The following SGK2 variants were observed in gnomAD, a reference collection of about 807,000 sequenced individuals.
The protein encoded by SGK2 is serine/threonine-protein kinase Sgk2.
SGK2 carries 36 observed loss-of-function variants against 47.5 expected under a neutral mutation model. That is an observed-to-expected ratio of 0.76 (90% CI 0.58 to 1.00). The LOEUF is 1.00. Ranked by LOEUF, SGK2 falls within the 50% of genes least tolerant of loss-of-function variation. The pLI is 0.00. For synonymous variants in SGK2, 157 were observed against 181.9 expected (o/e 0.86, Z 1.10); for missense variants, 404 against 467.4 (o/e 0.86, Z 1.25).
At position 43,569,475 on chromosome 20, in the gene SGK2, G is replaced by A. The variant is rs746625692; in HGVS notation, c.319G>A (p.Glu107Lys). Residue 107 changes from glutamate to lysine, a missense_variant, in exon 6 of 13, where the codon GAG (glutamate) becomes AAG (lysine). Coordinates refer to ENST00000373100, the MANE Select transcript of SGK2 (RefSeq NM_170693.3). ...CCTGCGCTACTCCTTCCAGACACCT[G>A]AGAAGCTCTACTTCGTGCTCGACTA... ...VGLRYSFQTP[E>K]KLYFVLDYVN... 6.8e-6 allele frequency: 11 copies of A among 1,613,654 alleles called. No individual in the cohort carries two copies. The highest frequency in any genetic ancestry group is 3.3e-4 in the Middle Eastern group (2 of 6,084).
At chr20:43,578,851 T>A (rs1980620827) in intron 11 of SGK2, among the ~76,000 whole-genome samples, 1 of 152,100 alleles carries the variant, frequency 6.6e-6, no homozygotes, top group South Asian at 2.1e-4. Flanking sequence ...AAAATTTGTA[T>A]CTTAAAAAAA....
chr20:43,566,038 T>C (rs922036510), intron 1 of SGK2: 8 of 337,238 alleles, frequency 2.4e-5, no homozygotes, highest in Non-Finnish European at 4.3e-5. Flanking sequence ...TTCACAAGGC[T>C]ATGTGGCCCT....
chr20:43,578,893 C>G (rs1980623398), intron 11 of SGK2, among the ~76,000 whole-genome samples: 1 of 152,072 alleles, frequency 6.6e-6, no homozygotes, highest in South Asian at 2.1e-4. Context: ...GTTATACATT[C>G]ACATAGATCA....
intron 3 of SGK2, 89 bp downstream of exon 3, chr20:43,567,206 G>A: frequency 8.9e-7 from 1 of 1,124,684 alleles, no homozygotes; most frequent in South Asian, 1.3e-5. Context: ...AGATTCTCTG[G>A]TCTAGCATTC....
intron 6 of SGK2, among the ~76,000 whole-genome samples, chr20:43,570,147 A>G (rs1011842818): frequency 6.6e-6 from 1 of 152,166 alleles, no homozygotes; most frequent in Non-Finnish European, 1.5e-5. Context: ...GGTGGATCTA[A>G]CCTGAGCTCA....
chr20:43,575,082 G>A (rs1980383894), intron 10 of SGK2, 78 bp downstream of exon 10: 1 of 932,802 alleles, frequency 1.1e-6, no homozygotes, highest in Non-Finnish European at 1.7e-6. Context: ...CACAAGCTCT[G>A]TCCAGGAAAA....
At chr20:43,578,260 G>A (rs930808523) in intron 11 of SGK2, among the ~76,000 whole-genome samples, 10 of 152,152 alleles carry the variant, frequency 6.6e-5, no homozygotes, top group Non-Finnish European at 8.8e-5. Flanking sequence ...CAAGGCGGGC[G>A]GATCACCTGA....
intron 12 of SGK2, among the ~76,000 whole-genome samples, chr20:43,580,857 T>C (rs1259061486): frequency 6.6e-6 from 1 of 151,332 alleles, no homozygotes; most frequent in Non-Finnish European, 1.5e-5. Flanking sequence ...CTTTTCTATG[T>C]GTTTTTTTTT....
In SGK2 at chr20:43,576,331, C is replaced by T. The variant is rs1233803756; in HGVS notation, c.801C>T (p.Ser267=). 1 of 1,614,242 alleles carries T rather than the reference C, an allele frequency of 6.2e-7. No individual in the cohort carries two copies. The highest frequency in any genetic ancestry group is 8.5e-7 in the Non-Finnish European group (1 of 1,180,034). The change falls in exon 11 of 13, where the codon AGC becomes AGT. Residue 267 remains serine (S), a synonymous_variant. Coordinates refer to ENST00000373100, the MANE Select transcript of SGK2 (RefSeq NM_170693.3). ...TGGCCGCCTGTGACCTCCTGCAAAG[C>T]CTTCTCCACAAGGACCAGAGGCAGC... is the stretch of plus-strand genomic sequence containing the variant. The part of the protein sequence containing the change: ...RTVAACDLLQ[S]LLHKDQRQRL...
In SGK2 at chr20:43,568,018, A is replaced by T. The variant is rs1053104695; in HGVS notation, c.228+19A>T. 2 of 1,606,226 alleles carry T rather than the reference A, an allele frequency of 1.2e-6. No individual in the cohort carries two copies. The highest frequency in any genetic ancestry group is 8.5e-7 in the Non-Finnish European group (1 of 1,172,996). ...GAAAGAGGTACCAGAGCTCGGGCAC[A>T]GGCATTTCTTCTTCTGCTTCTCAAG... On this transcript the variant is annotated intron_variant, in intron 5 of 12. Transcript: ENST00000373100.
chr20:43,565,019 A>T (rs1015234643), intron 1 of SGK2: 3 of 152,306 alleles, frequency 2.0e-5, no homozygotes, highest in African/African-American at 4.8e-5. Flanking sequence ...GCTATTGCCC[A>T]CCCCTCCCAC....
chr20:43,583,436 A>G, intron 12 of SGK2: 1 of 1,190,554 alleles, frequency 8.4e-7, no homozygotes, highest in Non-Finnish European at 1.1e-6. Flanking sequence ...CAGGATGCAC[A>G]TTCTGATCTT....
intron 3 of SGK2, 37 bp downstream of exon 3, chr20:43,567,154 C>G: frequency 6.4e-7 from 1 of 1,557,436 alleles, no homozygotes; most frequent in Non-Finnish European, 8.9e-7. Context: ...TCCTACTTGA[C>G]TCCCCTCATA....
At chr20:43,579,040 C>A (rs1408025577) in intron 11 of SGK2, among the ~76,000 whole-genome samples, 1 of 144,220 alleles carries the variant, frequency 6.9e-6, no homozygotes, top group Non-Finnish European at 1.5e-5. Context: ...TTTTTTGAGA[C>A]AGAGTCTTGC....
intron 3 of SGK2, 145 bp downstream of exon 3, chr20:43,567,262 T>TGGG: frequency 1.4e-6 from 1 of 694,650 alleles, no homozygotes; most frequent in Non-Finnish European, 2.6e-6. Flanking sequence ...CAGCTCTATC[T>TGGG]CCCACAAATT....
chr20:43,562,124 G>A (rs973686429), intron 1 of SGK2, among the ~76,000 whole-genome samples: 3 of 151,884 alleles, frequency 2.0e-5, no homozygotes, highest in Non-Finnish European at 2.9e-5. Context: ...TGTTAACTTC[G>A]AGATACCAGC....
chr20:43,582,747 C>T (rs1369024234), intron 12 of SGK2, among the ~76,000 whole-genome samples: 1 of 151,758 alleles, frequency 6.6e-6, no homozygotes, highest in Non-Finnish European at 1.5e-5. Flanking sequence ...AGTGCAGTGG[C>T]ACGATCTCAG....
At chr20:43,574,155 C>G (rs1980325976) in intron 9 of SGK2, among the ~76,000 whole-genome samples, 1 of 152,200 alleles carries the variant, frequency 6.6e-6, no homozygotes, top group Non-Finnish European at 1.5e-5. Flanking sequence ...TCTGCCCTTC[C>G]CTAGACCCCA....
At chr20:43,576,766 C>A (rs1980486153) in intron 11 of SGK2, among the ~76,000 whole-genome samples, 1 of 152,212 alleles carries the variant, frequency 6.6e-6, no homozygotes, top group Non-Finnish European at 1.5e-5. Flanking sequence ...ATGGTGTAAA[C>A]CCTGTCTCTA....
Sources: allele counts gnomAD v4.1 joint callset (sites outside exome capture counted in the v4.1 genomes callset), GRCh38; gene constraint gnomAD v4.1.1; transcripts MANE v1.5; gene names NCBI Gene and HGNC (gene_info 2026-07-23, HGNC 2026-07-21).